Variants in TIAM2 observed in about 807,000 individuals in gnomAD.
TIAM2 encodes the protein rho guanine nucleotide exchange factor TIAM2.
In TIAM2, 80 loss-of-function variants were observed where a neutral mutation model predicts 152.9. The observed-to-expected ratio is 0.52, with a 90% CI of 0.44 to 0.63. TIAM2 has a LOEUF of 0.63. Ranked by LOEUF, TIAM2 falls within the 30% of genes least tolerant of loss-of-function variation. The pLI, the probability that TIAM2 is intolerant of heterozygous loss-of-function variation, is 0.00. For synonymous variants in TIAM2, 804 were observed against 838.0 expected (o/e 0.96, Z 0.70); for missense variants, 1,965 against 2,120.1 (o/e 0.93, Z 1.44).
intron 1 of TIAM2, among the ~76,000 whole-genome samples, chr6:155,029,749 T>C (rs1465433000): frequency 2.1e-5 from 3 of 143,980 alleles, no homozygotes; most frequent in African/African-American, 5.1e-5. Context: ...TAACTATATA[T>C]ATATATATGT....
chr6:155,017,094 G>A (rs1463894453), intron 1 of TIAM2, among the ~76,000 whole-genome samples: 1 of 152,084 alleles, frequency 6.6e-6, no homozygotes, highest in Non-Finnish European at 1.5e-5. Flanking sequence ...GGGAAAGTTC[G>A]AGACTAGAAT....
intron 20 of TIAM2, among the ~76,000 whole-genome samples, chr6:155,249,013 A>T (rs142686902): frequency 6.6e-6 from 1 of 152,240 alleles, no homozygotes; most frequent in Non-Finnish European, 1.5e-5. Context: ...GTTAACTTCT[A>T]TAAGTAAATA....
intron 16 of TIAM2, among the ~76,000 whole-genome samples, chr6:155,243,471 G>A (rs1783152889): frequency 6.6e-6 from 1 of 152,196 alleles, no homozygotes; most frequent in South Asian, 2.1e-4. Flanking sequence ...AGCTGTAAAG[G>A]TGTGGAATCC....
Position 155,218,129 on chromosome 6 carries a change from T to G in TIAM2, c.3168+6822T>G, listed in dbSNP as rs1781911530. Among the ~76,000 whole-genome samples the G allele has an allele frequency of 6.6e-6, 1 of 152,256 alleles. No individual in the cohort carries two copies. The highest frequency in any genetic ancestry group is 1.5e-5 in the Non-Finnish European group (1 of 68,044). ...TTATGTTTTTGTTAGGCAGTCAAGC[T>G]AAAAGATAACTTATTTATAAACCGT... On this transcript the variant is annotated intron_variant, in intron 15 of 26. Transcript: ENST00000682666. The surrounding 1 kb of genome is among the most constrained non-coding windows in gnomAD (Gnocchi z 4.5).
At chr6:155,245,957 T>C (rs1055192575) in intron 19 of TIAM2, among the ~76,000 whole-genome samples, 1 of 152,176 alleles carries the variant, frequency 6.6e-6, no homozygotes, top group African/African-American at 2.4e-5. Flanking sequence ...TGCTTTGCCA[T>C]GTGTCACTTT....
intron 8 of TIAM2, 123 bp downstream of exon 8, chr6:155,164,723 A>C: frequency 8.2e-7 from 1 of 1,221,606 alleles, no homozygotes; most frequent in East Asian, 2.3e-5. Flanking sequence ...CCTAGAGGCC[A>C]GGTCACCCAG....
chr6:155,072,402 A>T (rs1304954351), intron 1 of TIAM2, among the ~76,000 whole-genome samples: 2 of 152,094 alleles, frequency 1.3e-5, no homozygotes, highest in Non-Finnish European at 2.9e-5. Flanking sequence ...TTAAAGAGTT[A>T]CTTAGGAAGT....
In TIAM2 at chr6:155,104,738, C is replaced by G. The variant is rs377212900; in HGVS notation, c.-118+14359C>G. Among the ~76,000 whole-genome samples, 11 of 135,502 alleles carry G rather than the reference C, an allele frequency of 8.1e-5. No individual in the cohort carries two copies. In the East Asian group the frequency reaches 1.2e-3, roughly 15 times the overall value. 88.9% of individuals were successfully genotyped at this position (135,502 alleles called of 152,430 possible). ...TGCCTCTGCACTCCAGCCTGGGCAA[C>G]AGAGAGAGACTCTGTCTCAAAAAAA... On this transcript the variant is annotated intron_variant, in intron 2 of 26. Coordinates refer to ENST00000682666, the MANE Select transcript of TIAM2 (RefSeq NM_012454.4).
intron 2 of TIAM2, among the ~76,000 whole-genome samples, chr6:155,100,021 C>T (rs2114991496): frequency 6.7e-6 from 1 of 149,526 alleles, no homozygotes; most frequent in Non-Finnish European, 1.5e-5. Flanking sequence ...GTATCATAAT[C>T]ACGTGGAACC....
intron 9 of TIAM2, among the ~76,000 whole-genome samples, chr6:155,172,676 ATATATATATATTTTTTTTTTTT>A (rs1377826488): frequency 5.4e-4 from 7 of 13,062 alleles, no homozygotes; most frequent in African/African-American, 2.6e-3. Context: ...ATATATATAT[ATATATATATATTTTTTTTTTTT>A]TTTTTTTTTT....
At chr6:155,155,482 T>C (rs1250661010) in intron 7 of TIAM2, among the ~76,000 whole-genome samples, 2 of 151,996 alleles carry the variant, frequency 1.3e-5, no homozygotes. Flanking sequence ...GTTTTTATTT[T>C]CTATTTTTTT....
intron 15 of TIAM2, among the ~76,000 whole-genome samples, chr6:155,228,481 AT>A (rs1782324088): frequency 6.6e-6 from 1 of 152,176 alleles, no homozygotes; most frequent in African/African-American, 2.4e-5. Context: ...ATGATGGCTC[AT>A]GTCTGTTATC....
chr6:155,137,564 G>C lies in TIAM2; in HGVS notation c.1582G>C (p.Glu528Gln), dbSNP rs370981097. Residue 528 changes from glutamate (E) to glutamine (Q), a missense_variant, in exon 5 of 27, where the codon GAG becomes CAG. Glu to Gln is a conservative substitution (Grantham distance 29). This residue lies in a region of TIAM2 where 1,025 missense variants were observed against 1,119.4 expected (regional missense o/e 0.92). Coordinates refer to ENST00000682666, the MANE Select transcript of TIAM2 (RefSeq NM_012454.4). ...CACTGTGCAGAAGGAAAGGAAGCTT[G>C]AGCTGGTGGCACGAAGGAAATGGAA... ...LVTVQKERKL[E>Q]LVARRKWKQY... 2.3e-5 allele frequency: 37 copies of C among 1,611,260 alleles called. No homozygotes were observed. Among genetic ancestry groups the C allele is most frequent in the Non-Finnish European group, 3.1e-5 (36 of 1,179,786 alleles).
intron 6 of TIAM2, among the ~76,000 whole-genome samples, chr6:155,146,252 G>A (rs371525180): frequency 5.9e-5 from 9 of 152,054 alleles, no homozygotes; most frequent in African/African-American, 9.7e-5. Flanking sequence ...ATGGTGGTGC[G>A]CACCTGTGGT....
intron 15 of TIAM2, among the ~76,000 whole-genome samples, chr6:155,215,265 A>C (rs1296294803): frequency 2.0e-5 from 3 of 152,250 alleles, no homozygotes; most frequent in African/African-American, 4.8e-5. Flanking sequence ...AAACATTTAC[A>C]AAGTGAACAT....
intron 1 of TIAM2, chr6:155,016,509 T>G (rs200652070): frequency 2.7e-5 from 3 of 112,686 alleles, no homozygotes; most frequent in African/African-American, 3.7e-5. Flanking sequence ...GTATTTACAT[T>G]TAAATGGTAT....
intron 4 of TIAM2, 22 bp from the exon 5 acceptor site, chr6:155,137,155 T>A: frequency 6.2e-7 from 1 of 1,605,104 alleles, no homozygotes; most frequent in Non-Finnish European, 8.5e-7. Context: ...CTCTGATGGG[T>A]GATCATGTGT....
In TIAM2 at chr6:155,245,748, T is replaced by TTA. The variant is rs113203423; in HGVS notation, c.3652+18_3652+19insAT. 2.4e-4 allele frequency: 324 copies of TTA among 1,359,166 alleles called. 2 individuals are homozygous for TTA. The African/African-American group carries it at 5.9e-3, about 25-fold the overall frequency. The allele number at this position is 1,359,166 out of a possible 1,614,324, so 84.2% of individuals were successfully genotyped here. On this transcript the variant is annotated intron_variant, in intron 19 of 26. Transcript: ENST00000682666. The stretch of plus-strand genomic sequence containing the variant: ...TGGAGCGAGGTAAGTTGCTTATGCC[T>TTA]TTTATAGTTTTTTTTTTTTTTTGCA...
intron 7 of TIAM2, among the ~76,000 whole-genome samples, chr6:155,160,814 A>G (rs1780250212): frequency 6.6e-6 from 1 of 152,158 alleles, no homozygotes; most frequent in Non-Finnish European, 1.5e-5. Flanking sequence ...AGTCAGGATA[A>G]GGTTAAGAAG....
Sources: allele counts gnomAD v4.1 joint callset (sites outside exome capture counted in the v4.1 genomes callset), GRCh38; gene constraint gnomAD v4.1.1; regional missense constraint gnomAD v4.1.1; non-coding constraint Gnocchi (gnomAD v3.1); transcripts MANE v1.5; gene names NCBI Gene and HGNC (gene_info 2026-07-23, HGNC 2026-07-21).